Variants in EFR3B observed in about 807,000 individuals in gnomAD.
The protein encoded by EFR3B is protein EFR3 homolog B.
Under a neutral mutation model 104.7 loss-of-function variants are expected in EFR3B, and 64 were observed. The ratio of observed to expected loss-of-function variants is 0.61; its 90% CI spans 0.50 to 0.75. The LOEUF (loss-of-function observed/expected upper bound fraction) is 0.75. EFR3B is among the 30% of genes least tolerant of loss of function. The pLI is 0.00. For synonymous variants in EFR3B, 385 were observed against 417.9 expected (o/e 0.92, Z 0.96); for missense variants, 750 against 1,078.5 (o/e 0.70, Z 4.27).
intron 1 of EFR3B, among the ~76,000 whole-genome samples, chr2:25,054,125 C>T (rs1035860081): frequency 2.0e-5 from 3 of 152,096 alleles, no homozygotes; most frequent in East Asian, 1.9e-4. Flanking sequence ...CCCAGATGAC[C>T]GTCTTCCAGC....
At chr2:25,048,768 A>G (rs1247924377) in intron 1 of EFR3B, among the ~76,000 whole-genome samples, 1 of 152,214 alleles carries the variant, frequency 6.6e-6, no homozygotes, top group Non-Finnish European at 1.5e-5. Context: ...TTGCTCTACA[A>G]TCATAACCTA....
At chr2:25,094,282 C>CAAA (rs11455802) in intron 3 of EFR3B, among the ~76,000 whole-genome samples, 9,787 of 91,342 alleles carry the variant, frequency 0.11, 883 homozygotes, top group South Asian at 0.19. Context: ...GAGACTGTCT[C>CAAA]AAAAAAAAAA....
chr2:25,081,367 C>T, intron 1 of EFR3B: 1 of 974,304 alleles, frequency 1.0e-6, no homozygotes, highest in African/African-American at 1.6e-5. Context: ...AACTTGCCAG[C>T]AGTACTCATA....
intron 11 of EFR3B, 23 bp from the exon 12 acceptor site, chr2:25,133,360 G>A (rs1670434385): frequency 6.4e-7 from 1 of 1,552,076 alleles, no homozygotes. Context: ...ATCCTGGTGA[G>A]TGTTTGTGTC....
chr2:25,098,370 C>T (rs548815604), intron 3 of EFR3B, among the ~76,000 whole-genome samples: 120 of 152,312 alleles, frequency 7.9e-4, no homozygotes, highest in Non-Finnish European at 1.3e-3. Flanking sequence ...TCCAACTAAG[C>T]CTGGTTCCCA....
rs1232232279 is a variant in EFR3B, at chr2:25,131,079, C to T, written c.850-289C>T. Among the ~76,000 whole-genome samples the T allele has an allele frequency of 6.6e-6, 1 of 152,114 alleles. No homozygotes were observed. Among genetic ancestry groups the T allele is most frequent in the Non-Finnish European group, 1.5e-5 (1 of 68,038 alleles). Reference sequence around the variant, plus strand: ...CCTCCCGTGGCTCTTGCCGGAAAGACCTGAAGAAATGAAAGGAAGACCCTA... The same window carrying T: ...CCTCCCGTGGCTCTTGCCGGAAAGATCTGAAGAAATGAAAGGAAGACCCTA... On this transcript the variant is annotated intron_variant, in intron 8 of 22. Coordinates refer to ENST00000403714, the MANE Select transcript of EFR3B (RefSeq NM_014971.2). The surrounding 1 kb of genome is among the most constrained non-coding windows in gnomAD (Gnocchi z 7.6).
In EFR3B at chr2:25,051,539, A is replaced by G. The variant is rs577428582; in HGVS notation, c.7+9220A>G. Among the ~76,000 whole-genome samples, 13 of 151,994 alleles carry G rather than the reference A, an allele frequency of 8.6e-5. No individual in the cohort carries two copies. In the South Asian group the frequency reaches 1.7e-3, roughly 19 times the overall value. ...TGCGTACCATATTTTAATTCACCGCATGGCCATTCATCACTAATATTTCTC... is the reference window on the plus strand; with the variant it reads ...TGCGTACCATATTTTAATTCACCGCGTGGCCATTCATCACTAATATTTCTC... On this transcript the variant is annotated intron_variant, in intron 1 of 22. Transcript: ENST00000403714.
intron 3 of EFR3B, among the ~76,000 whole-genome samples, chr2:25,099,430 CACCTT>C (rs1218984186): frequency 6.6e-6 from 1 of 151,942 alleles, no homozygotes; most frequent in Non-Finnish European, 1.5e-5. Context: ...GGATAGAGCA[CACCTT>C]GATCCATATG....
chr2:25,052,899 A>T (rs539596367), intron 1 of EFR3B, among the ~76,000 whole-genome samples: 1 of 152,296 alleles, frequency 6.6e-6, no homozygotes, highest in South Asian at 2.1e-4. Flanking sequence ...CAACTCCATG[A>T]TGAAGGATTA....
At position 25,093,001 on chromosome 2, in the gene EFR3B, A is replaced by T; in HGVS notation, c.85-2A>T. The T allele has an allele frequency of 6.5e-7, 1 of 1,544,778 alleles. No individual in the cohort carries two copies. The highest frequency in any genetic ancestry group is 8.7e-7 in the Non-Finnish European group (1 of 1,146,902). ...GTGAGCACAAGCTGTTTTCTCCTAC[A>T]GGATGGTCTGGTGAAGACCAACATG... is the stretch of plus-strand genomic sequence containing the variant. On this transcript the variant is annotated splice_acceptor_variant, in intron 2 of 22. Transcript: ENST00000403714. LOFTEE classifies it high-confidence loss of function.
chr2:25,152,036 C>T lies in EFR3B; in HGVS notation c.2298+16C>T. The T allele has an allele frequency of 1.3e-6, 2 of 1,550,748 alleles. No individual in the cohort carries two copies. The highest frequency in any genetic ancestry group is 1.2e-5 in the South Asian group (1 of 84,038). Reference sequence around the variant, plus strand: ...CGGGGCCCGGGTAAGTGAAGCATGACATGGGCGAGTCCCTGGGAGCCAAGT... The same window carrying T: ...CGGGGCCCGGGTAAGTGAAGCATGATATGGGCGAGTCCCTGGGAGCCAAGT... On this transcript the variant is annotated intron_variant, in intron 21 of 22. Coordinates refer to ENST00000403714, the MANE Select transcript of EFR3B (RefSeq NM_014971.2).
chr2:25,101,815 C>T (rs529562921), intron 3 of EFR3B, among the ~76,000 whole-genome samples: 5 of 150,646 alleles, frequency 3.3e-5, no homozygotes, highest in African/African-American at 4.8e-5. Flanking sequence ...GCATTCTGCC[C>T]GGGAAACTTA....
chr2:25,129,114 G>A (rs1303630124), intron 6 of EFR3B, among the ~76,000 whole-genome samples: 1 of 151,096 alleles, frequency 6.6e-6, no homozygotes, highest in Non-Finnish European at 1.5e-5. Flanking sequence ...CCAGCCCGCA[G>A]CCACTCAGTA....
At position 25,154,690 on chromosome 2, in the gene EFR3B, C is replaced by G. The variant is rs1671110745; in HGVS notation, c.*350C>G. On this transcript the variant is annotated 3_prime_UTR_variant, in exon 23 of 23. Coordinates refer to ENST00000403714, the MANE Select transcript of EFR3B (RefSeq NM_014971.2). The surrounding 1 kb of genome is among the most constrained non-coding windows in gnomAD (Gnocchi z 4.1). ...TTTTGAGTGAAGGGCATGTCCTCCC[C>G]AGAGGACGGAGCTGGATGGAGACTT... 1 of 223,802 alleles carries G rather than the reference C, an allele frequency of 4.5e-6. No individual in the cohort carries two copies. The highest frequency in any genetic ancestry group is 2.3e-5 in the African/African-American group (1 of 43,798). 13.9% of individuals were successfully genotyped at this position (223,802 alleles called of 1,614,324 possible). A position where few individuals can be genotyped will look rare whatever the true frequency, so the allele number is the denominator to read the frequency against.
rs57218512 is a variant in EFR3B, at chr2:25,148,921, C to CA, written c.2143-747dup. ...TGGGTGACAGAGCGAGACTCCGTCT[C>CA]AAAAAAAAAAAAAAAAAAAAAAAAA... On this transcript the variant is annotated intron_variant, in intron 19 of 22. Transcript: ENST00000403714. 9.4e-3 allele frequency among the ~76,000 whole-genome samples: 643 copies of CA among 68,414 alleles called. 27 individuals are homozygous for CA. Among genetic ancestry groups the CA allele is most frequent in the Non-Finnish European group, 0.011 (419 of 37,334 alleles). 44.9% of individuals were successfully genotyped at this position (68,414 alleles called of 152,430 possible).
chr2:25,062,662 T>C (rs1253084879), intron 1 of EFR3B, among the ~76,000 whole-genome samples: 1 of 152,078 alleles, frequency 6.6e-6, no homozygotes, highest in Non-Finnish European at 1.5e-5. Context: ...ACGTGCCGAG[T>C]AGCAAGCAGA....
At chr2:25,071,885 G>A (rs1668509239) in intron 1 of EFR3B, among the ~76,000 whole-genome samples, 1 of 152,172 alleles carries the variant, frequency 6.6e-6, no homozygotes, top group Admixed American at 6.5e-5. Context: ...AATAGATGCT[G>A]GTTCTGGAAG....
intron 1 of EFR3B, among the ~76,000 whole-genome samples, chr2:25,049,967 A>G (rs1015613481): frequency 1.5e-4 from 23 of 151,524 alleles, no homozygotes; most frequent in Non-Finnish European, 3.2e-4. Context: ...AAAAAAAAAA[A>G]AAAAAATAGA....
chr2:25,112,340 G>A (rs1347260766), intron 4 of EFR3B, among the ~76,000 whole-genome samples: 1 of 152,270 alleles, frequency 6.6e-6, no homozygotes, highest in Admixed American at 6.5e-5. Context: ...GGCTGCCCAG[G>A]GCCAGCAGGG....
Sources: gnomAD v4.1 joint callset for allele counts (sites outside exome capture counted in the v4.1 genomes callset) on GRCh38, gnomAD v4.1.1 for gene constraint, Gnocchi (gnomAD v3.1) non-coding constraint, MANE v1.5 for transcripts, NCBI Gene and HGNC (gene_info 2026-07-23, HGNC 2026-07-21) for gene names.